MARCHF3: variants seen among roughly 807,000 people sequenced by gnomAD.
The protein encoded by MARCHF3 is membrane associated ring-CH-type finger 3, also known as E3 ubiquitin-protein ligase MARCHF3.
Under a neutral mutation model 24.2 loss-of-function variants are expected in MARCHF3, and 13 were observed. That is an observed-to-expected ratio of 0.54 (90% confidence interval 0.35 to 0.85). The LOEUF is 0.85. Among genes scored for constraint, MARCHF3 ranks in the 40% least tolerant of loss-of-function variants. The pLI is 0.01. For missense variants in MARCHF3, 276 were observed against 325.0 expected (o/e 0.85, Z 1.16); for synonymous variants, 144 against 137.3 (o/e 1.05, Z -0.34).
chr5:126,898,542 T>C (rs1352220478), intron 3 of MARCHF3, among the ~76,000 whole-genome samples: 1 of 152,108 alleles, frequency 6.6e-6, no homozygotes, highest in African/African-American at 2.4e-5. Context: ...TATTCTCCCA[T>C]CACCTACCAG....
chr5:127,012,864 GTCT>G (rs1486654329), intron 1 of MARCHF3, among the ~76,000 whole-genome samples: 6 of 152,180 alleles, frequency 3.9e-5, no homozygotes, highest in Admixed American at 1.3e-4. Context: ...AAAATTTTAA[GTCT>G]TTTCTTGTTA....
At chr5:126,886,703 G>A (rs1013716476) in intron 3 of MARCHF3, among the ~76,000 whole-genome samples, 2 of 152,070 alleles carry the variant, frequency 1.3e-5, no homozygotes, top group Admixed American at 6.6e-5. Context: ...CTCCATTTGT[G>A]CAGCAAACAT....
intron 1 of MARCHF3, among the ~76,000 whole-genome samples, chr5:127,026,389 A>C (rs1465768377): frequency 1.3e-5 from 2 of 152,232 alleles, no homozygotes; most frequent in Non-Finnish European, 2.9e-5. Flanking sequence ...ACATGTCTAA[A>C]GGATTCTATA....
At chr5:126,919,173 T>C (rs1749014276) in intron 1 of MARCHF3, among the ~76,000 whole-genome samples, 1 of 152,210 alleles carries the variant, frequency 6.6e-6, no homozygotes, top group Non-Finnish European at 1.5e-5. Context: ...GCTTGGGTCA[T>C]GACCTCAAGT....
chr5:127,007,888 G>C (rs536325171), intron 1 of MARCHF3, among the ~76,000 whole-genome samples: 1 of 152,134 alleles, frequency 6.6e-6, no homozygotes, highest in Non-Finnish European at 1.5e-5. Context: ...ATAAATATAT[G>C]GGCAATATAT....
At chr5:127,014,238 G>A (rs955029189) in intron 1 of MARCHF3, among the ~76,000 whole-genome samples, 1 of 152,004 alleles carries the variant, frequency 6.6e-6, no homozygotes, top group African/African-American at 2.4e-5. Flanking sequence ...TGAGCCAACA[G>A]GTATATGGAA....
intron 1 of MARCHF3, among the ~76,000 whole-genome samples, chr5:126,929,235 CT>C (rs1483984671): frequency 6.6e-6 from 1 of 152,214 alleles, no homozygotes; most frequent in Admixed American, 6.5e-5. Flanking sequence ...ACTTGTTCCT[CT>C]CTTTCCTGTA....
intron 1 of MARCHF3, among the ~76,000 whole-genome samples, chr5:126,940,651 T>G (rs1349899375): frequency 6.6e-6 from 1 of 152,134 alleles, no homozygotes; most frequent in Non-Finnish European, 1.5e-5. Flanking sequence ...TTCTCCATGT[T>G]GGCCAGGTTG....
chr5:126,994,476 T>G (rs1209964089), intron 1 of MARCHF3, among the ~76,000 whole-genome samples: 1 of 152,176 alleles, frequency 6.6e-6, no homozygotes, highest in Non-Finnish European at 1.5e-5. Flanking sequence ...TGTATAGTAG[T>G]GTATGCTAAA....
At chr5:126,908,348 C>T (rs1199860086) in intron 3 of MARCHF3, among the ~76,000 whole-genome samples, 1 of 152,000 alleles carries the variant, frequency 6.6e-6, no homozygotes, top group Non-Finnish European at 1.5e-5. Flanking sequence ...TCTGTATTTC[C>T]TGAATCTGAA....
At chr5:127,006,387 T>C (rs1752314175) in intron 1 of MARCHF3, among the ~76,000 whole-genome samples, 1 of 152,172 alleles carries the variant, frequency 6.6e-6, no homozygotes, top group Non-Finnish European at 1.5e-5. Context: ...CAATTTATTT[T>C]ACATAGCTGA....
At chr5:126,874,977 C>T (rs966621330) in intron 4 of MARCHF3, among the ~76,000 whole-genome samples, 3 of 152,140 alleles carry the variant, frequency 2.0e-5, no homozygotes, top group Non-Finnish European at 4.4e-5. Context: ...TCATTCATTC[C>T]CTTCTGTGCT....
intron 1 of MARCHF3, among the ~76,000 whole-genome samples, chr5:127,003,430 T>C (rs201193633): frequency 9.5e-6 from 1 of 105,788 alleles, no homozygotes; most frequent in Non-Finnish European, 1.9e-5. Flanking sequence ...ATCGCGCCAC[T>C]GCACTCCAGC....
rs145617789 is a variant in MARCHF3, at chr5:126,999,779, C to T, written c.-57+30571G>A. ...AAGACTGTTAGTGCTGAAGGTACAT[C>T]AAATAAGATACTGTCATCCTCAGAG... is the stretch of plus-strand genomic sequence containing the variant. On this transcript the variant is annotated intron_variant, in intron 1 of 4. Coordinates refer to ENST00000308660, the MANE Select transcript of MARCHF3 (RefSeq NM_178450.5). Among the ~76,000 whole-genome samples the T allele has an allele frequency of 1.4e-3, 208 of 152,172 alleles. 2 individuals are homozygous for T. The highest frequency in any genetic ancestry group is 4.7e-3 in the African/African-American group (196 of 41,532).
At chr5:126,873,415 A>G (rs926005752) in intron 4 of MARCHF3, among the ~76,000 whole-genome samples, 2 of 152,264 alleles carry the variant, frequency 1.3e-5, no homozygotes, top group South Asian at 2.1e-4. Context: ...AAAAGAAAAA[A>G]AAAAAAAAAG....
At chr5:126,975,210 C>T (rs1052985050) in intron 1 of MARCHF3, among the ~76,000 whole-genome samples, 9 of 152,214 alleles carry the variant, frequency 5.9e-5, no homozygotes, top group Admixed American at 1.3e-4. Context: ...CTGCCTTGGC[C>T]TCCCAAAGTG....
intron 3 of MARCHF3, among the ~76,000 whole-genome samples, chr5:126,912,160 T>C (rs1048965502): frequency 6.6e-6 from 1 of 152,232 alleles, no homozygotes; most frequent in African/African-American, 2.4e-5. Context: ...CCTGGGTTCC[T>C]GCCCAGTTAA....
intron 1 of MARCHF3, among the ~76,000 whole-genome samples, chr5:127,017,008 A>G (rs550966576): frequency 1.3e-5 from 2 of 152,306 alleles, no homozygotes; most frequent in African/African-American, 4.8e-5. Flanking sequence ...GCAAACTATC[A>G]CAAGGATAGA....
intron 1 of MARCHF3, among the ~76,000 whole-genome samples, chr5:126,940,750 CT>C (rs77835911): frequency 4.7e-4 from 69 of 147,702 alleles, no homozygotes; most frequent in African/African-American, 9.9e-4. Flanking sequence ...CCCGGCCTAA[CT>C]TTTTTTTTTT....
Sources: gnomAD v4.1 joint callset for allele counts (sites outside exome capture counted in the v4.1 genomes callset) on GRCh38, gnomAD v4.1.1 for gene constraint, MANE v1.5 for transcripts, NCBI Gene and HGNC (gene_info 2026-07-23, HGNC 2026-07-21) for gene names.